NAV1: variants seen among roughly 807,000 people sequenced by gnomAD.
NAV1 encodes the protein neuron navigator 1, also known as pore membrane and/or filament interacting like protein 3.
A neutral mutation model predicts 175.2 loss-of-function variants in NAV1; 18 were observed. That is an observed-to-expected ratio of 0.10 (90% CI 0.07 to 0.15). NAV1 has a LOEUF of 0.15. Ranked by LOEUF, NAV1 falls within the 10% of genes least tolerant of loss-of-function variation. NAV1 has a pLI of 1.00. For synonymous variants in NAV1, 897 were observed against 978.7 expected (o/e 0.92, Z 1.56); for missense variants, 1,731 against 2,436.6 (o/e 0.71, Z 6.10).
At chr1:201,623,191 C>A in exon 1 of NAV1, 1 of 985,952 alleles carries the variant, frequency 1.0e-6, no homozygotes, top group Non-Finnish European at 1.2e-6. Context: ...ATGGAATAGT[C>A]CCAGGACAAC....
chr1:201,675,018 T>G (rs1571877427), intron 1 of NAV1, among the ~76,000 whole-genome samples: 1 of 138,420 alleles, frequency 7.2e-6, no homozygotes, highest in Admixed American at 7.4e-5. Context: ...GGCAACAGAG[T>G]GAGACTCTGT....
In NAV1 at chr1:201,740,920, G is replaced by A. The variant is rs1320436385; in HGVS notation, c.1226+22165G>A. Among the ~76,000 whole-genome samples the A allele has an allele frequency of 6.6e-6, 1 of 152,052 alleles. No homozygotes were observed. The highest frequency in any genetic ancestry group is 1.5e-5 in the Non-Finnish European group (1 of 67,994). The stretch of plus-strand genomic sequence containing the variant: ...GCTGGGGTTTCTGGGATTTTTTAGC[G>A]GGGTGGGCAGGGGAGGCTTCCCATC... On this transcript the variant is annotated intron_variant, in intron 3 of 29. Transcript: ENST00000367296. The surrounding 1 kb of genome is among the most constrained non-coding windows in gnomAD (Gnocchi z 4.7).
rs1311529066 is a variant in NAV1, at chr1:201,810,477, C to G, written c.4562-46C>G. The G allele has an allele frequency of 1.3e-6, 2 of 1,545,176 alleles. No individual in the cohort carries two copies. The highest frequency in any genetic ancestry group is 1.8e-6 in the Non-Finnish European group (2 of 1,137,782). On this transcript the variant is annotated intron_variant, in intron 23 of 29. Transcript: ENST00000367296. This position sits in a 1 kb window ranked among gnomAD's most constrained non-coding sequence, Gnocchi z 6.0. ...AAGCCCTTTAGGATCCCTTGCTATCCTCAAGACCCTGGTCAATACTCATGC... is the reference window on the plus strand; with the variant it reads ...AAGCCCTTTAGGATCCCTTGCTATCGTCAAGACCCTGGTCAATACTCATGC...
intron 2 of NAV1, among the ~76,000 whole-genome samples, chr1:201,605,485 A>C (rs1439264958): frequency 1.3e-5 from 2 of 152,122 alleles, no homozygotes; most frequent in Non-Finnish European, 2.9e-5. Context: ...GACTGAACCC[A>C]GACCTCATGA....
chr1:201,684,470 G>A (rs1048298713), intron 1 of NAV1, among the ~76,000 whole-genome samples: 3 of 123,754 alleles, frequency 2.4e-5, no homozygotes, highest in African/African-American at 5.9e-5. Flanking sequence ...CTTCCTTTAT[G>A]CAGCCTTTTT....
At chr1:201,626,044 G>A (rs1256752325) in intron 1 of NAV1, among the ~76,000 whole-genome samples, 1 of 152,200 alleles carries the variant, frequency 6.6e-6, no homozygotes, top group African/African-American at 2.4e-5. Flanking sequence ...TCACCATGGT[G>A]GTTAGAAGTT....
chr1:201,660,686 A>G (rs1053555099), intron 1 of NAV1, among the ~76,000 whole-genome samples: 32 of 152,270 alleles, frequency 2.1e-4, no homozygotes, highest in African/African-American at 7.2e-4. Context: ...ACATTTATTG[A>G]GCACTCACTG....
At chr1:201,793,626 C>T in intron 13 of NAV1, 166 bp from the exon 18 acceptor site, 6 of 618,942 alleles carry the variant, frequency 9.7e-6, no homozygotes, top group South Asian at 2.0e-5. Flanking sequence ...TTTGATTTCC[C>T]CTTTGTCTGC....
At chr1:201,575,897 T>C (rs145875722) in intron 1 of NAV1, among the ~76,000 whole-genome samples, 1 of 152,308 alleles carries the variant, frequency 6.6e-6, no homozygotes, top group Non-Finnish European at 1.5e-5. Flanking sequence ...CTTACTCAAT[T>C]ATTTATTCGT....
intron 1 of NAV1, among the ~76,000 whole-genome samples, chr1:201,654,668 C>A (rs1052284913): frequency 4.6e-5 from 7 of 152,018 alleles, no homozygotes; most frequent in African/African-American, 1.5e-4. Context: ...CCTGGATAGC[C>A]AAGTCCCTTT....
At chr1:201,650,686 C>G (rs1261835840) in intron 1 of NAV1, among the ~76,000 whole-genome samples, 1 of 152,212 alleles carries the variant, frequency 6.6e-6, no homozygotes, top group African/African-American at 2.4e-5. Flanking sequence ...CCTAGGAACC[C>G]TCGACTCCTG....
At chr1:201,793,909 T>TGGGGGGGGGGGGGGCCCC in intron 14 of NAV1, 34 bp downstream of exon 18, 2 of 516,466 alleles carry the variant, frequency 3.9e-6, no homozygotes, top group East Asian at 5.7e-5. Context: ...GAGGGGTGGG[T>TGGGGGGGGGGGGGGCCCC]GCGGCGAGGG....
At chr1:201,689,020 T>A (rs1420221874) in intron 1 of NAV1, among the ~76,000 whole-genome samples, 1 of 152,192 alleles carries the variant, frequency 6.6e-6, no homozygotes, top group East Asian at 1.9e-4. Flanking sequence ...TGATCAGTTA[T>A]CAAATTAACC....
At chr1:201,637,288 T>C (rs2102306958) in intron 2 of NAV1, among the ~76,000 whole-genome samples, 1 of 152,348 alleles carries the variant, frequency 6.6e-6, no homozygotes, top group Middle Eastern at 3.4e-3. Context: ...ACTTTCGCAG[T>C]TGTCTTTACT....
chr1:201,775,920 G>A lies in NAV1; in HGVS notation c.1227-4501G>A, dbSNP rs112574728. On this transcript the variant is annotated intron_variant, in intron 3 of 29. Coordinates refer to ENST00000367296, the Ensembl canonical transcript of NAV1. ...AAAAATTTTAAAGTTAGCTGGGCAT[G>A]GTAGCACACGCCTATAATCCCAGCT... 4.8e-3 allele frequency among the ~76,000 whole-genome samples: 731 copies of A among 152,044 alleles called. 12 individuals carry two copies. The highest frequency in any genetic ancestry group is 0.017 in the African/African-American group (700 of 41,446).
chr1:201,730,229 CATT>C (rs1167079801), intron 3 of NAV1, among the ~76,000 whole-genome samples: 1 of 152,238 alleles, frequency 6.6e-6, no homozygotes, highest in Non-Finnish European at 1.5e-5. Flanking sequence ...ACTAATATGG[CATT>C]ATCTTATTTA....
intron 1 of NAV1, among the ~76,000 whole-genome samples, chr1:201,682,345 C>T (rs1255605374): frequency 6.6e-6 from 1 of 152,132 alleles, no homozygotes; most frequent in Non-Finnish European, 1.5e-5. Flanking sequence ...ACCGCAGCCA[C>T]CAACCTCTTC....
Position 201,787,901 on chromosome 1 carries a change from A to G in NAV1, c.2996-567A>G, listed in dbSNP as rs1676866536. ...GGGGCAATGCTAGGCAAAGAGGGCCATGTTTCTTGATGCTTTAGCGCCAAC... is the reference window on the plus strand; with the variant it reads ...GGGGCAATGCTAGGCAAAGAGGGCCGTGTTTCTTGATGCTTTAGCGCCAAC... On this transcript the variant is annotated intron_variant, in intron 9 of 29. Transcript: ENST00000367296. This position sits in a 1 kb window ranked among gnomAD's most constrained non-coding sequence, Gnocchi z 4.3. 1.5e-5 allele frequency: 5 copies of G among 343,926 alleles called. No homozygotes were observed. The highest frequency in any genetic ancestry group is 2.9e-5 in the Non-Finnish European group (5 of 173,488). 21.3% of individuals were successfully genotyped at this position (343,926 alleles called of 1,614,324 possible).
At chr1:201,666,651 T>C (rs1669835742) in intron 1 of NAV1, among the ~76,000 whole-genome samples, 1 of 152,198 alleles carries the variant, frequency 6.6e-6, no homozygotes, top group Non-Finnish European at 1.5e-5. Context: ...CTTGGCTTAC[T>C]GCCTGCCTGG....
Sources: gnomAD v4.1 joint callset for allele counts (sites outside exome capture counted in the v4.1 genomes callset) on GRCh38, gnomAD v4.1.1 for gene constraint, Gnocchi (gnomAD v3.1) non-coding constraint, MANE v1.5 for transcripts, NCBI Gene and HGNC (gene_info 2026-07-23, HGNC 2026-07-21) for gene names.